The following B4GALT1 variants were observed in gnomAD, a reference collection of about 807,000 sequenced individuals.
B4GALT1 encodes the protein beta-1,4-galactosyltransferase 1.
Under a neutral mutation model 34.9 loss-of-function variants are expected in B4GALT1, and 16 were observed. The observed-to-expected ratio is 0.46, with a 90% CI of 0.31 to 0.70. The LOEUF (loss-of-function observed/expected upper bound fraction) is 0.70, where lower values mean the gene tolerates loss of function less well. Ranked by LOEUF, B4GALT1 falls within the 30% of genes least tolerant of loss-of-function variation. The pLI, the probability that B4GALT1 is intolerant of heterozygous loss-of-function variation, is 0.05. For synonymous variants in B4GALT1, 221 were observed against 218.1 expected, an observed-to-expected ratio of 1.01 and a Z score of -0.12; for missense variants, 445 against 530.5, an observed-to-expected ratio of 0.84 and a Z score of 1.58.
chr9:33,173,175 G>A, the B4GALT1 span, among the ~76,000 whole-genome samples: 2 of 152,128 alleles, frequency 1.3e-5, no homozygotes, highest in Non-Finnish European at 1.5e-5. Context: ...AGTCCAAGGC[G>A]GGCAGATCAC....
chr9:33,124,143 T>C (rs550404716), intron 2 of B4GALT1, among the ~76,000 whole-genome samples: 3 of 152,276 alleles, frequency 2.0e-5, no homozygotes, highest in South Asian at 2.1e-4. Flanking sequence ...TAGGCTGCTT[T>C]GGGTGAAATG....
chr9:33,122,938 G>A (rs1840042399), intron 2 of B4GALT1, among the ~76,000 whole-genome samples: 1 of 152,130 alleles, frequency 6.6e-6, no homozygotes, highest in African/African-American at 2.4e-5. Context: ...GAGGTCAGGA[G>A]TTCGAGACCA....
chr9:33,161,193 T>G (rs1194433411), intron 1 of B4GALT1, among the ~76,000 whole-genome samples: 1 of 152,182 alleles, frequency 6.6e-6, no homozygotes, highest in Admixed American at 6.5e-5. Context: ...CCTTCATTTG[T>G]GCAGGGAAGG....
At chr9:33,176,207 G>A in the B4GALT1 span, among the ~76,000 whole-genome samples, 29 of 152,234 alleles carry the variant, frequency 1.9e-4, no homozygotes, top group African/African-American at 6.7e-4. Context: ...TTCACAGTCC[G>A]GTAACTTGTT....
chr9:33,154,181 G>C (rs1239680277), intron 1 of B4GALT1, among the ~76,000 whole-genome samples: 1 of 152,190 alleles, frequency 6.6e-6, no homozygotes, highest in Non-Finnish European at 1.5e-5. Context: ...TCCCAGGTAT[G>C]CAAGATTAAT....
chr9:33,115,957 C>CA (rs779694894), intron 4 of B4GALT1, 34 bp downstream of exon 4: 1 of 1,601,236 alleles, frequency 6.2e-7, no homozygotes. Context: ...TGAAGGTTGA[C>CA]AGAGGAGAAA....
chr9:33,122,526 AT>A (rs1840036307), intron 2 of B4GALT1, among the ~76,000 whole-genome samples: 1 of 151,942 alleles, frequency 6.6e-6, no homozygotes, highest in Non-Finnish European at 1.5e-5. Context: ...AAATAAATAA[AT>A]AAATAAAACC....
At chr9:33,123,553 A>T (rs946584434) in intron 2 of B4GALT1, among the ~76,000 whole-genome samples, 7 of 152,098 alleles carry the variant, frequency 4.6e-5, no homozygotes, top group Non-Finnish European at 2.9e-5. Flanking sequence ...GCCTTTCTAC[A>T]TCTATGCACT....
chr9:33,154,031 A>AGGG (rs1840561616), intron 1 of B4GALT1, among the ~76,000 whole-genome samples: 2 of 70,150 alleles, frequency 2.9e-5, no homozygotes, highest in African/African-American at 7.0e-5. Flanking sequence ...GGAAGGAAGG[A>AGGG]AGGGAGGGAG....
chr9:33,169,518 ATTT>A (rs10567394), upstream of B4GALT1, among the ~76,000 whole-genome samples: 424 of 132,316 alleles, frequency 3.2e-3, no homozygotes, highest in African/African-American at 3.7e-3. Flanking sequence ...AACTGCTTGA[ATTT>A]TTTTTTTTTT....
the B4GALT1 span, among the ~76,000 whole-genome samples, chr9:33,183,944 A>G: frequency 1.3e-5 from 2 of 151,814 alleles, no homozygotes; most frequent in African/African-American, 2.4e-5. Context: ...GCATGTTCTC[A>G]CTTGTTAAGT....
At chr9:33,119,363 T>C (rs988687537) in intron 3 of B4GALT1, among the ~76,000 whole-genome samples, 1 of 152,154 alleles carries the variant, frequency 6.6e-6, no homozygotes, top group African/African-American at 2.4e-5. Context: ...GTGGAAAAAT[T>C]TGGGCTTTGT....
intron 1 of B4GALT1, among the ~76,000 whole-genome samples, chr9:33,135,936 T>TGTGTGTATGC (rs55869318): frequency 6.6e-6 from 1 of 151,238 alleles, no homozygotes; most frequent in African/African-American, 2.4e-5. Context: ...TGTGTGTGTG[T>TGTGTGTATGC]ATGCATGCAT....
intron 1 of B4GALT1, among the ~76,000 whole-genome samples, chr9:33,150,187 T>C (rs1032165669): frequency 6.1e-5 from 5 of 82,532 alleles, no homozygotes; most frequent in Non-Finnish European, 1.2e-4. Context: ...GAGATCTAGA[T>C]ACATCTATCT....
chr9:33,146,455 C>A (rs913376912), intron 1 of B4GALT1, among the ~76,000 whole-genome samples: 1 of 152,192 alleles, frequency 6.6e-6, no homozygotes, highest in African/African-American at 2.4e-5. Context: ...CACCTCCAGG[C>A]TGGGGCAGCC....
chr9:33,170,131 G>T (rs1367414834), upstream of B4GALT1, among the ~76,000 whole-genome samples: 2 of 151,590 alleles, frequency 1.3e-5, no homozygotes, highest in African/African-American at 4.9e-5. Flanking sequence ...CACCATGCCC[G>T]GCTAATTTGT....
At chr9:33,149,270 A>T (rs7045547) in intron 1 of B4GALT1, among the ~76,000 whole-genome samples, 137,833 of 150,336 alleles carry the variant, frequency 0.92, 63,383 homozygotes, top group East Asian at 1. Context: ...TACTTAAAAA[A>T]TTTTTTTATT....
rs1840769991 is a variant in B4GALT1 at position 33,167,002 on chromosome 9, G to A, written c.168C>T (p.Val56=). The A allele has an allele frequency of 1.3e-6, 2 of 1,595,548 alleles. No individual in the cohort carries two copies. The highest frequency in any genetic ancestry group is 1.7e-5 in the Admixed American group (1 of 58,762). The change falls in exon 1 of 6, where the codon GTC becomes GTT. Residue 56 remains valine (V), a synonymous_variant. Coordinates refer to ENST00000379731, the MANE Select transcript of B4GALT1 (RefSeq NM_001497.4). ...DLSRLPQLVG[V]STPLQGGSNS... is the part of the protein sequence containing the mutation. Reference sequence around the variant, plus strand: ...TCGAGCCGCCCTGCAGCGGTGTGGAGACTCCGACCAGTTGGGGCAGGCGGC... The same window carrying A: ...TCGAGCCGCCCTGCAGCGGTGTGGAAACTCCGACCAGTTGGGGCAGGCGGC...
chr9:33,107,338 G>T (rs1839805228), downstream of B4GALT1, among the ~76,000 whole-genome samples: 1 of 152,194 alleles, frequency 6.6e-6, no homozygotes, highest in East Asian at 1.9e-4. Context: ...CCTCCTGGAA[G>T]AAACAAGAGG....
Sources: allele counts gnomAD v4.1 joint callset (sites outside exome capture counted in the v4.1 genomes callset), GRCh38; gene constraint gnomAD v4.1.1; transcripts MANE v1.5; gene names NCBI Gene and HGNC (gene_info 2026-07-23, HGNC 2026-07-21).